The following STK3 variants were observed in gnomAD, a reference collection of about 807,000 sequenced individuals.
STK3 encodes serine/threonine-protein kinase 3.
A neutral mutation model predicts 58.0 loss-of-function variants in STK3; 41 were observed. The ratio of observed to expected loss-of-function variants is 0.71; its 90% CI spans 0.55 to 0.92. The LOEUF is 0.92. STK3 is among the 40% of genes least tolerant of loss of function. The pLI is 0.00. For missense variants in STK3, 479 were observed against 602.7 expected, an observed-to-expected ratio of 0.79 and a Z score of 2.15; for synonymous variants, 170 against 191.0, an observed-to-expected ratio of 0.89 and a Z score of 0.91.
intron 4 of STK3, among the ~76,000 whole-genome samples, chr8:98,710,080 T>C (rs1826278996): frequency 6.6e-6 from 1 of 152,052 alleles, no homozygotes; most frequent in Admixed American, 6.6e-5. Flanking sequence ...AAATTATCTC[T>C]GTTCACAGAT....
At chr8:98,689,564 G>A (rs1824247112) in intron 6 of STK3, among the ~76,000 whole-genome samples, 1 of 152,066 alleles carries the variant, frequency 6.6e-6, no homozygotes. Flanking sequence ...AAGGATCACT[G>A]GAGCTCAGGA....
chr8:98,745,154 G>A (rs1488079548), intron 4 of STK3, among the ~76,000 whole-genome samples: 1 of 152,136 alleles, frequency 6.6e-6, no homozygotes, highest in Non-Finnish European at 1.5e-5. Context: ...AAAGTCTGAG[G>A]TGTAACCAGC....
chr8:98,450,736 C>T (rs1160207801), downstream of STK3, among the ~76,000 whole-genome samples: 4 of 152,184 alleles, frequency 2.6e-5, no homozygotes, highest in South Asian at 6.2e-4. Context: ...TGCATGCACC[C>T]TGCATCCTTT....
intron 2 of STK3, among the ~76,000 whole-genome samples, chr8:98,373,060 CAG>C (rs1193335410): frequency 2.0e-5 from 3 of 152,288 alleles, no homozygotes; most frequent in African/African-American, 7.2e-5. Flanking sequence ...AGGGGAAAGA[CAG>C]AGAGAGTCAG....
chr8:98,376,515 T>C (rs1388909071), intron 2 of STK3, among the ~76,000 whole-genome samples: 1 of 152,176 alleles, frequency 6.6e-6, no homozygotes, highest in East Asian at 1.9e-4. Context: ...CATAGATTTT[T>C]TCCTATGTTT....
chr8:98,549,723 TA>T (rs1336159207), intron 8 of STK3, among the ~76,000 whole-genome samples: 1 of 151,238 alleles, frequency 6.6e-6, no homozygotes, highest in African/African-American at 2.5e-5. Flanking sequence ...AATAGGGTCA[TA>T]AAAATAAATT....
In STK3 at chr8:98,825,657, G is replaced by A. The variant is rs1835219346; in HGVS notation, c.-117C>T. The A allele has an allele frequency of 8.4e-7, 1 of 1,192,618 alleles. No individual in the cohort carries two copies. Among genetic ancestry groups the A allele is most frequent in the East Asian group, 3.9e-5 (1 of 25,860 alleles). 73.9% of individuals were successfully genotyped at this position (1,192,618 alleles called of 1,614,324 possible). A position where few individuals can be genotyped will look rare whatever the true frequency, so the allele number is the denominator to read the frequency against. On this transcript the variant is annotated 5_prime_UTR_variant, in exon 1 of 11. Coordinates refer to ENST00000419617, the MANE Select transcript of STK3 (RefSeq NM_006281.4). Reference sequence around the variant, plus strand: ...CACAGAGGGAAACTCTGGGAACTCGGACCAACTTTCCCGTAACTCCGCGGC... The same window carrying A: ...CACAGAGGGAAACTCTGGGAACTCGAACCAACTTTCCCGTAACTCCGCGGC...
chr8:98,758,301 G>A (rs985301300), intron 3 of STK3, among the ~76,000 whole-genome samples: 20 of 152,152 alleles, frequency 1.3e-4, no homozygotes, highest in African/African-American at 4.3e-4. Flanking sequence ...CTCATTCTAC[G>A]AGGCCAGCAT....
chr8:98,854,847 A>G (rs1836609433), intron 3 of STK3, among the ~76,000 whole-genome samples: 1 of 152,172 alleles, frequency 6.6e-6, no homozygotes, highest in African/African-American at 2.4e-5. Flanking sequence ...CTTTGAGGTC[A>G]AGAGTTTGAG....
intron 1 of STK3, among the ~76,000 whole-genome samples, chr8:98,801,010 G>A (rs967419945): frequency 3.3e-4 from 50 of 152,256 alleles, no homozygotes; most frequent in Non-Finnish European, 8.8e-5. Context: ...TCCACCCGTG[G>A]CCCTGGCATG....
At chr8:98,598,127 T>G (rs1012410688) in intron 6 of STK3, 27 of 985,368 alleles carry the variant, frequency 2.7e-5, no homozygotes, top group Non-Finnish European at 3.0e-5. Flanking sequence ...TATACTAGAT[T>G]GTCTAGATAA....
chr8:98,931,413 T>C (rs1323619014), intron 1 of STK3, among the ~76,000 whole-genome samples: 3 of 152,136 alleles, frequency 2.0e-5, no homozygotes, highest in Non-Finnish European at 4.4e-5. Context: ...AAAGTACACA[T>C]TGTGCTCTGT....
chr8:98,561,337 C>T (rs961820737), intron 8 of STK3, among the ~76,000 whole-genome samples: 50 of 148,846 alleles, frequency 3.4e-4, no homozygotes, highest in Non-Finnish European at 3.0e-5. Flanking sequence ...ATAGACCTTA[C>T]AGCTTTCTCA....
chr8:98,698,674 G>C (rs927708629), intron 6 of STK3, among the ~76,000 whole-genome samples: 5 of 152,172 alleles, frequency 3.3e-5, no homozygotes, highest in African/African-American at 1.2e-4. Context: ...TTTTCTTTAA[G>C]AATGTTGAAT....
At chr8:98,491,250 C>A (rs2131321228) in intron 10 of STK3, among the ~76,000 whole-genome samples, 1 of 151,978 alleles carries the variant, frequency 6.6e-6, no homozygotes. Flanking sequence ...AACAATCAGA[C>A]ACTTATTTTG....
At position 98,527,102 on chromosome 8, in the gene STK3, A is replaced by G. The variant is rs564057242; in HGVS notation, c.1142-185T>C. 3.3e-5 allele frequency among the ~76,000 whole-genome samples: 5 copies of G among 152,326 alleles called. No individual in the cohort carries two copies. The East Asian group carries it at 9.6e-4, about 29-fold the overall frequency. On this transcript the variant is annotated intron_variant, in intron 9 of 10. Transcript: ENST00000419617. ...AAGAATTAAAAAATACCCAGACCAA[A>G]TAAAAATTAAGCTGATGATTAGGCA...
At chr8:98,381,317 C>A (rs1197816902) in intron 1 of STK3, among the ~76,000 whole-genome samples, 1 of 152,144 alleles carries the variant, frequency 6.6e-6, no homozygotes, top group Non-Finnish European at 1.5e-5. Context: ...CACATTTTTA[C>A]TCCAGGGGCC....
chr8:98,447,588 ATAGTATCTATATATTGCAATAC>A, intron 1 of STK3, among the ~76,000 whole-genome samples: 1 of 147,560 alleles, frequency 6.8e-6, no homozygotes, highest in African/African-American at 2.5e-5. Context: ...AATACTATAT[ATAGTATCTATATATTGCAATAC>A]TATATATAGT....
At chr8:98,753,526 G>C (rs1372141492) in intron 3 of STK3, among the ~76,000 whole-genome samples, 1 of 152,014 alleles carries the variant, frequency 6.6e-6, no homozygotes, top group East Asian at 1.9e-4. Context: ...TGGGTACTAG[G>C]CTTAATACCT....
Sources: allele counts gnomAD v4.1 joint callset (sites outside exome capture counted in the v4.1 genomes callset), GRCh38; gene constraint gnomAD v4.1.1; transcripts MANE v1.5; gene names NCBI Gene and HGNC (gene_info 2026-07-23, HGNC 2026-07-21).